Variants in SDR16C5 observed in about 807,000 individuals in gnomAD.
SDR16C5 encodes the protein epidermal retinol dehydrogenase 2.
A neutral mutation model predicts 27.7 loss-of-function variants in SDR16C5; 20 were observed. That is an observed-to-expected ratio of 0.72 (90% CI 0.51 to 1.05). The LOEUF is 1.05. Among genes scored for constraint, SDR16C5 ranks in the 50% least tolerant of loss-of-function variants. SDR16C5 has a pLI of 0.00. For missense variants in SDR16C5, 374 were observed against 366.3 expected (o/e 1.02, Z -0.17); for synonymous variants, 139 against 132.3 (o/e 1.05, Z -0.35).
At position 56,309,032 on chromosome 8, in the gene SDR16C5, G is replaced by T; in HGVS notation, c.466-5C>A. On this transcript the variant is annotated splice_region_variant and splice_polypyrimidine_tract_variant and intron_variant, in intron 3 of 6. Transcript: ENST00000303749. ...AGGTAGAAAGGCTTTATAAGTCTAA[G>T]AATACAAAGGAAAACTTTTAATGTT... 1.3e-6 allele frequency: 2 copies of T among 1,577,828 alleles called. No individual in the cohort carries two copies. Among genetic ancestry groups the T allele is most frequent in the African/African-American group, 1.4e-5 (1 of 73,790 alleles).
At chr8:56,304,928 C>T (rs1023574428) in intron 6 of SDR16C5, among the ~76,000 whole-genome samples, 1 of 152,140 alleles carries the variant, frequency 6.6e-6, no homozygotes, top group Non-Finnish European at 1.5e-5. Context: ...CACCACCATG[C>T]CTGGCTTATT....
chr8:56,315,059 A>G (rs556716346), intron 2 of SDR16C5, among the ~76,000 whole-genome samples: 1 of 152,144 alleles, frequency 6.6e-6, no homozygotes, highest in Non-Finnish European at 1.5e-5. Context: ...CCTGACCAAC[A>G]TGGAGAAACC....
chr8:56,310,071 G>C lies in SDR16C5; in HGVS notation c.466-1044C>G, dbSNP rs150410670. Among the ~76,000 whole-genome samples, 524 of 147,996 alleles carry C rather than the reference G, an allele frequency of 3.5e-3. 25 individuals carry two copies. In the East Asian group the frequency reaches 0.095, roughly 27 times the overall value. ...AAGAGGAGGTAGAGGAGGAGTTGGA[G>C]TTGGAGGAAGAAGAAGAAGGAGGAA... On this transcript the variant is annotated intron_variant, in intron 3 of 6. Coordinates refer to ENST00000303749, the MANE Select transcript of SDR16C5 (RefSeq NM_138969.4).
chr8:56,307,011 G>C (rs1215695539), intron 4 of SDR16C5, among the ~76,000 whole-genome samples, 191 bp from the exon 5 acceptor site: 1 of 152,136 alleles, frequency 6.6e-6, no homozygotes, highest in African/African-American at 2.4e-5. Context: ...TGAAGATCAG[G>C]GTCAGTTGAC....
chr8:56,309,407 G>T (rs2129258830), intron 3 of SDR16C5: 3 of 985,312 alleles, frequency 3.0e-6, no homozygotes, highest in Non-Finnish European at 3.6e-6. Context: ...GCTTGATTTT[G>T]AGTTTCAAAT....
intron 1 of SDR16C5, among the ~76,000 whole-genome samples, chr8:56,319,124 G>GAA (rs11372550): frequency 0.054 from 7,345 of 134,788 alleles, 277 homozygotes; most frequent in African/African-American, 0.082. Context: ...GAACAAATTA[G>GAA]AAAAAAAAAA....
intron 6 of SDR16C5, among the ~76,000 whole-genome samples, chr8:56,305,379 G>A (rs1014223105): frequency 2.6e-5 from 4 of 152,156 alleles, no homozygotes; most frequent in Non-Finnish European, 5.9e-5. Flanking sequence ...TGGCAGGAAG[G>A]ATTAGACCCC....
chr8:56,319,621 C>G (rs1375600011), intron 1 of SDR16C5, among the ~76,000 whole-genome samples: 1 of 152,104 alleles, frequency 6.6e-6, no homozygotes, highest in Non-Finnish European at 1.5e-5. Context: ...CCGGACGAAA[C>G]GGGAGGGCAG....
intron 3 of SDR16C5, chr8:56,309,650 G>T: frequency 1.1e-6 from 1 of 901,626 alleles, no homozygotes; most frequent in Non-Finnish European, 1.3e-6. Flanking sequence ...CATCAAAGGA[G>T]TAACTAATCA....
intron 5 of SDR16C5, among the ~76,000 whole-genome samples, chr8:56,305,945 G>A (rs1814871530): frequency 6.6e-6 from 1 of 152,086 alleles, no homozygotes; most frequent in Admixed American, 6.6e-5. Context: ...TTAATACACT[G>A]ATATTACAAT....
chr8:56,310,111 AGG>A (rs1814988753), intron 3 of SDR16C5, among the ~76,000 whole-genome samples: 1 of 121,020 alleles, frequency 8.3e-6, no homozygotes, highest in Non-Finnish European at 1.8e-5. Flanking sequence ...AGGAAGGAGG[AGG>A]AGAAGGAAGG....
At chr8:56,314,224 G>C (rs1815129618) in intron 2 of SDR16C5, among the ~76,000 whole-genome samples, 1 of 151,804 alleles carries the variant, frequency 6.6e-6, no homozygotes, top group African/African-American at 2.4e-5. Flanking sequence ...AAATTATCTG[G>C]TACTTTCCTT....
At position 56,306,732 on chromosome 8, in the gene SDR16C5, G is replaced by A. The variant is rs760475094; in HGVS notation, c.654C>T (p.Thr218=). The A allele has an allele frequency of 6.2e-6, 10 of 1,613,748 alleles. No individual in the cohort carries two copies. The Admixed American group carries it at 1.3e-4, about 22-fold the overall frequency. Residue 218 remains threonine (T), a synonymous_variant, in exon 5 of 7, where the codon ACC becomes ACT. Coordinates refer to ENST00000303749, the MANE Select transcript of SDR16C5 (RefSeq NM_138969.4). ...TFVQKQKGIK[T]TIVCPFFIKT... ...TTATAAAAAAGGGGCACACAATCGT[G>A]GTTTTGATCCCCTTTTGTTTTTGGA...
chr8:56,320,061 A>G lies in SDR16C5; in HGVS notation c.-17T>C, dbSNP rs976344377. On this transcript the variant is annotated splice_region_variant and 5_prime_UTR_variant, in exon 1 of 7. Coordinates refer to ENST00000303749, the MANE Select transcript of SDR16C5 (RefSeq NM_138969.4). ...GACCGACGACCTCGGCAACTTACCC[A>G]GGACACTCTCCCTAGCTGTCCGCGG... 1 of 152,484 alleles carries G rather than the reference A, an allele frequency of 6.6e-6. No individual in the cohort carries two copies. Among genetic ancestry groups the G allele is most frequent in the African/African-American group, 2.4e-5 (1 of 41,434 alleles). 9.4% of individuals were successfully genotyped at this position (152,484 alleles called of 1,614,324 possible).
At chr8:56,302,807 C>T (rs1049827166) in intron 6 of SDR16C5, among the ~76,000 whole-genome samples, 1 of 151,214 alleles carries the variant, frequency 6.6e-6, no homozygotes, top group Non-Finnish European at 1.5e-5. Flanking sequence ...ATAGCAAGAC[C>T]CCATCTCTAA....
intron 1 of SDR16C5, among the ~76,000 whole-genome samples, chr8:56,317,388 A>G (rs569364316): frequency 6.6e-6 from 1 of 152,290 alleles, no homozygotes; most frequent in East Asian, 1.9e-4. Flanking sequence ...TTTAGTGTGA[A>G]TGAATATATA....
intron 2 of SDR16C5, among the ~76,000 whole-genome samples, chr8:56,314,121 C>T (rs984594350): frequency 1.1e-4 from 16 of 151,918 alleles, no homozygotes; most frequent in Admixed American, 5.9e-4. Flanking sequence ...GCAGGAGTAC[C>T]GCTTGAACCC....
chr8:56,309,758 T>A (rs1814976170), intron 3 of SDR16C5, among the ~76,000 whole-genome samples: 1 of 151,864 alleles, frequency 6.6e-6, no homozygotes, highest in African/African-American at 2.4e-5. Context: ...AACTAACAGG[T>A]AGAGAGAGGT....
intron 6 of SDR16C5, among the ~76,000 whole-genome samples, chr8:56,304,658 C>T (rs576359826): frequency 6.6e-6 from 1 of 152,128 alleles, no homozygotes; most frequent in African/African-American, 2.4e-5. Context: ...CCTGCCTCAG[C>T]CTCCTGGGTA....
Sources: gnomAD v4.1 joint callset for allele counts (sites outside exome capture counted in the v4.1 genomes callset) on GRCh38, gnomAD v4.1.1 for gene constraint, MANE v1.5 for transcripts, NCBI Gene and HGNC (gene_info 2026-07-23, HGNC 2026-07-21) for gene names.